The following SDK2 variants were observed in gnomAD, a reference collection of about 807,000 sequenced individuals.
SDK2 encodes the protein sidekick cell adhesion molecule 2.
In SDK2, 105 loss-of-function variants were observed where a neutral mutation model predicts 253.9. The observed-to-expected ratio is 0.41, with a 90% CI of 0.35 to 0.49. The LOEUF is 0.49. SDK2 is among the 20% of genes least tolerant of loss of function. SDK2 has a pLI of 0.06. For synonymous variants in SDK2, 1,249 were observed against 1,234.9 expected (o/e 1.01, Z -0.24); for missense variants, 2,608 against 3,003.0 (o/e 0.87, Z 3.07).
chr17:73,345,330 GA>G (rs1331997380), intron 44 of SDK2, among the ~76,000 whole-genome samples: 3 of 149,876 alleles, frequency 2.0e-5, no homozygotes, highest in South Asian at 2.1e-4. Flanking sequence ...AAAAAAAAAA[GA>G]AAAAAAAAGA....
chr17:73,361,729 A>C lies in SDK2; in HGVS notation c.5422T>G (p.Tyr1808Asp). The change falls in exon 39 of 45, where the codon TAC (tyrosine) becomes GAC (aspartate). Residue 1808 changes from tyrosine (Y) to aspartate (D), a missense_variant. By Grantham distance (160) the Tyr-to-Asp change is radical (BLOSUM62 -3). Transcript: ENST00000392650. This position sits in a 1 kb window ranked among gnomAD's most constrained non-coding sequence, Gnocchi z 4.1. ...RFRIRAKTFT[Y>D]GPEIEANVTT... ...ACGTTGGCTTCGATCTCCGGCCCGT[A>C]GGTGAAGGTCTTGGCTCTGATGCGG... 1.2e-6 allele frequency: 2 copies of C among 1,612,836 alleles called. No individual in the cohort carries two copies. The highest frequency in any genetic ancestry group is 1.7e-6 in the Non-Finnish European group (2 of 1,178,956).
At chr17:73,586,962 T>C (rs1444640277) in intron 1 of SDK2, among the ~76,000 whole-genome samples, 1 of 152,210 alleles carries the variant, frequency 6.6e-6, no homozygotes, top group Admixed American at 6.5e-5. Context: ...ACCCTCAGTT[T>C]CCTCATCTGT....
chr17:73,429,405 T>C (rs2063308566), intron 12 of SDK2, among the ~76,000 whole-genome samples: 1 of 152,252 alleles, frequency 6.6e-6, no homozygotes, highest in Admixed American at 6.5e-5. Context: ...CCTTAAGTGG[T>C]CAACACTTCA....
chr17:73,529,051 A>G (rs113083901), intron 1 of SDK2, among the ~76,000 whole-genome samples: 159 of 151,980 alleles, frequency 1.0e-3, no homozygotes, highest in African/African-American at 3.7e-3. Context: ...CTCTTACACC[A>G]TTTTGTCTAC....
rs117384722 is a variant in SDK2, at chr17:73,443,595, C to T, written c.614-2672G>A. On this transcript the variant is annotated intron_variant, in intron 5 of 44. Coordinates refer to ENST00000392650, the MANE Select transcript of SDK2 (RefSeq NM_001144952.2). This position sits in a 1 kb window ranked among gnomAD's most constrained non-coding sequence, Gnocchi z 4.6. ...GCTGCCCCAGGGCTCAGGGCTGGCT[C>T]GTTGGCTCTGGAAGGAATGGAGGAG... 8.5e-5 allele frequency among the ~76,000 whole-genome samples: 13 copies of T among 152,290 alleles called. No individual in the cohort carries two copies. Among genetic ancestry groups the T allele is most frequent in the Non-Finnish European group, 1.8e-4 (12 of 68,032 alleles).
At chr17:73,619,937 G>A (rs1452579286) in intron 1 of SDK2, among the ~76,000 whole-genome samples, 1 of 152,176 alleles carries the variant, frequency 6.6e-6, no homozygotes, top group Non-Finnish European at 1.5e-5. Flanking sequence ...GCTGGCTCAT[G>A]CCAGTAATCT....
chr17:73,559,564 C>G (rs1207037268), intron 1 of SDK2, among the ~76,000 whole-genome samples: 1 of 151,644 alleles, frequency 6.6e-6, no homozygotes, highest in Non-Finnish European at 1.5e-5. Flanking sequence ...GGGGCAAGCT[C>G]TGTCCATCCG....
intron 12 of SDK2, among the ~76,000 whole-genome samples, chr17:73,429,508 C>T (rs1001254254): frequency 1.3e-5 from 2 of 152,174 alleles, no homozygotes; most frequent in African/African-American, 2.4e-5. Context: ...CTGGGCTCCC[C>T]GGAGTCTCAT....
intron 33 of SDK2, among the ~76,000 whole-genome samples, chr17:73,382,052 TA>T (rs1158593192): frequency 1.3e-5 from 2 of 152,024 alleles, no homozygotes; most frequent in Non-Finnish European, 2.9e-5. Flanking sequence ...CCGTTTCTAC[TA>T]AAATTACAAA....
intron 2 of SDK2, among the ~76,000 whole-genome samples, chr17:73,492,993 G>C (rs1023599437): frequency 8.5e-5 from 13 of 152,234 alleles, no homozygotes; most frequent in Admixed American, 3.3e-4. Context: ...GGACCTGGGA[G>C]GGGGTGGAAA....
chr17:73,457,274 CCTTCCTTCCT>C (rs2063533900), intron 3 of SDK2, among the ~76,000 whole-genome samples: 1 of 53,690 alleles, frequency 1.9e-5, no homozygotes, highest in Non-Finnish European at 3.2e-5. Flanking sequence ...TTCCTTCCTT[CCTTCCTTCCT>C]TCCCCCCTCC....
At chr17:73,468,489 G>C (rs531173836) in intron 3 of SDK2, among the ~76,000 whole-genome samples, 3 of 152,210 alleles carry the variant, frequency 2.0e-5, no homozygotes, top group Non-Finnish European at 2.9e-5. Context: ...AATGTGGTCT[G>C]TCTGACTCCA....
intron 1 of SDK2, among the ~76,000 whole-genome samples, chr17:73,553,316 G>T (rs1170683704): frequency 6.6e-6 from 1 of 152,192 alleles, no homozygotes; most frequent in African/African-American, 2.4e-5. Context: ...ACTGTCAAGG[G>T]CTTTGAGCCA....
intron 39 of SDK2, 48 bp from the exon 40 acceptor site, chr17:73,358,252 C>T (rs2062609848): frequency 1.3e-6 from 2 of 1,549,004 alleles, no homozygotes; most frequent in Admixed American, 2.2e-5. Flanking sequence ...CCAGAACAGC[C>T]ACCCAGCCCG....
chr17:73,355,246 A>G (rs1566293), intron 40 of SDK2, among the ~76,000 whole-genome samples: 132,830 of 137,408 alleles, frequency 0.97, 64,432 homozygotes, highest in Middle Eastern at 1. Flanking sequence ...GCATGATCTC[A>G]GCTCACTGCA....
chr17:73,609,208 G>GGATA lies in SDK2; in HGVS notation c.64+34816_64+34817insTATC, dbSNP rs2045945004. Among the ~76,000 whole-genome samples, 2 of 152,084 alleles carry GGATA rather than the reference G, an allele frequency of 1.3e-5. No homozygotes were observed. Among genetic ancestry groups the GGATA allele is most frequent in the South Asian group, 4.2e-4 (2 of 4,806 alleles). The stretch of plus-strand genomic sequence containing the variant: ...AATGCAGTGTTGGAGAGATAAGCCT[G>GGATA]GAGTGTGAGAGATGGGTCTGGGCTG... On this transcript the variant is annotated intron_variant, in intron 1 of 44. Coordinates refer to ENST00000392650, the MANE Select transcript of SDK2 (RefSeq NM_001144952.2). The surrounding 1 kb of genome is among the most constrained non-coding windows in gnomAD (Gnocchi z 4.4).
chr17:73,559,598 G>C (rs2045197298), intron 1 of SDK2, among the ~76,000 whole-genome samples: 2 of 122,174 alleles, frequency 1.6e-5, no homozygotes, highest in African/African-American at 8.2e-5. Flanking sequence ...CGCTCCCTGT[G>C]CCCCCCGCCC....
Position 73,643,957 on chromosome 17 carries a change from T to TGCCCCCCCCCCCCCCCCCCCCCCACAAA in SDK2, c.64+67_64+68insTTTGTGGGGGGGGGGGGGGGGGGGGGGC. On this transcript the variant is annotated intron_variant, in intron 1 of 44. Coordinates refer to ENST00000392650, the MANE Select transcript of SDK2 (RefSeq NM_001144952.2). This position sits in a 1 kb window ranked among gnomAD's most constrained non-coding sequence, Gnocchi z 6.9. ...GGAGGTCACCGTGAGGCCGGCCAGC[T>TGCCCCCCCCCCCCCCCCCCCCCCACAAA]CCCGCCGCCCCTCCCCCGCCCACTC... 9.8e-7 allele frequency: 1 copy of TGCCCCCCCCCCCCCCCCCCCCCCACAAA among 1,020,000 alleles called. No individual in the cohort carries two copies. Among genetic ancestry groups the TGCCCCCCCCCCCCCCCCCCCCCCACAAA allele is most frequent in the Non-Finnish European group, 1.5e-6 (1 of 674,884 alleles). 63.2% of individuals were successfully genotyped at this position (1,020,000 alleles called of 1,614,324 possible). A position where few individuals can be genotyped will look rare whatever the true frequency, so the allele number is the denominator to read the frequency against.
intron 44 of SDK2, among the ~76,000 whole-genome samples, chr17:73,343,050 C>A (rs1334915411): frequency 6.6e-6 from 1 of 152,220 alleles, no homozygotes; most frequent in Non-Finnish European, 1.5e-5. Context: ...CACCCACTAA[C>A]CCCCGACTCC....
Sources: allele counts gnomAD v4.1 joint callset (sites outside exome capture counted in the v4.1 genomes callset), GRCh38; gene constraint gnomAD v4.1.1; non-coding constraint Gnocchi (gnomAD v3.1); transcripts MANE v1.5; gene names NCBI Gene and HGNC (gene_info 2026-07-23, HGNC 2026-07-21).